INO80: variants seen among roughly 807,000 people sequenced by gnomAD.
INO80 encodes the protein chromatin-remodeling ATPase INO80.
INO80 carries 20 observed loss-of-function variants against 203.4 expected under a neutral mutation model. The observed-to-expected ratio is 0.10, with a 90% CI of 0.07 to 0.14. INO80 has a LOEUF of 0.14. INO80 is among the 10% of genes least tolerant of loss of function. The pLI is 1.00. For synonymous variants in INO80, 726 were observed against 685.2 expected, an observed-to-expected ratio of 1.06 and a Z score of -0.93; for missense variants, 1,419 against 1,914.4, an observed-to-expected ratio of 0.74 and a Z score of 4.83.
chr15:41,075,379 C>T (rs2140608809), intron 9 of INO80, among the ~76,000 whole-genome samples: 1 of 151,546 alleles, frequency 6.6e-6, no homozygotes, highest in South Asian at 2.1e-4. Flanking sequence ...TCAAGTGATT[C>T]TCCTGCCTTG....
chr15:41,091,601 C>T (rs904434025), intron 5 of INO80, among the ~76,000 whole-genome samples: 1 of 151,168 alleles, frequency 6.6e-6, no homozygotes, highest in African/African-American at 2.4e-5. Context: ...CTCCCACTTA[C>T]ACTCACTACT....
At chr15:40,980,719 TAGAG>T (rs1379489383) in intron 35 of INO80, among the ~76,000 whole-genome samples, 3 of 152,220 alleles carry the variant, frequency 2.0e-5, no homozygotes, top group Non-Finnish European at 4.4e-5. Flanking sequence ...ACACTCTAGA[TAGAG>T]CACACATTTT....
intron 23 of INO80, among the ~76,000 whole-genome samples, chr15:41,046,024 T>C (rs985265106): frequency 6.6e-6 from 1 of 151,536 alleles, no homozygotes; most frequent in Non-Finnish European, 1.5e-5. Context: ...CCAGAACACT[T>C]GAGGCAGGCT....
rs55929719 is a variant in INO80, at chr15:40,989,014, C to CAA, written c.3571-1042_3571-1041dup. Among the ~76,000 whole-genome samples the CAA allele has an allele frequency of 2.7e-3, 386 of 144,846 alleles. 3 individuals carry two copies. The highest frequency in any genetic ancestry group is 0.013 in the South Asian group (59 of 4,514). Reference sequence around the variant, plus strand: ...TGGGCGACACAGTGAGCCTCCGTCTCAAAAAAAAAAAAAAATTAGCCAGGT... The same window carrying CAA: ...TGGGCGACACAGTGAGCCTCCGTCTCAAAAAAAAAAAAAAAAATTAGCCAGGT... On this transcript the variant is annotated intron_variant, in intron 29 of 35. Coordinates refer to ENST00000648947, the MANE Select transcript of INO80 (RefSeq NM_017553.3).
chr15:41,004,304 ATG>A (rs2044005808), intron 28 of INO80, among the ~76,000 whole-genome samples: 1 of 48,180 alleles, frequency 2.1e-5, no homozygotes, highest in South Asian at 7.4e-4. Context: ...AGGACACTCT[ATG>A]TTGAATTGTG....
intron 31 of INO80, among the ~76,000 whole-genome samples, chr15:40,986,341 T>TG (rs1327115309): frequency 6.7e-5 from 9 of 133,668 alleles, no homozygotes; most frequent in Admixed American, 2.2e-4. Context: ...TTTTTTTTTT[T>TG]GAGATGGAAT....
intron 18 of INO80, among the ~76,000 whole-genome samples, 174 bp downstream of exon 18, chr15:41,055,073 T>G (rs2044958447): frequency 1.3e-5 from 2 of 152,234 alleles, no homozygotes; most frequent in Admixed American, 1.3e-4. Context: ...CTTTTTTGAC[T>G]GTTAAATATG....
At chr15:41,023,805 A>C (rs1280651524) in intron 25 of INO80, among the ~76,000 whole-genome samples, 1 of 149,258 alleles carries the variant, frequency 6.7e-6, no homozygotes, top group Non-Finnish European at 1.5e-5. Flanking sequence ...GAAAAAAAGA[A>C]ACAAAAAAAA....
rs1356243194 is a variant in INO80 at position 41,068,949 on chromosome 15, T to C, written c.1782+621A>G. Among the ~76,000 whole-genome samples, 7 of 152,272 alleles carry C rather than the reference T, an allele frequency of 4.6e-5. 1 individual carries two copies. In the South Asian group the frequency reaches 1.2e-3, roughly 27 times the overall value. On this transcript the variant is annotated intron_variant, in intron 14 of 35. Coordinates refer to ENST00000648947, the MANE Select transcript of INO80 (RefSeq NM_017553.3). ...ATGAAAAGAGAAATGCCGTAAATGA[T>C]AGGATGTGTACTGATGGTATGATTT...
In INO80 at chr15:41,096,329, T is replaced by C. The variant is rs565205132; in HGVS notation, c.-19A>G. On this transcript the variant is annotated 5_prime_UTR_variant, in exon 2 of 36. It removes an upstream start codon present in the reference 5' UTR. Coordinates refer to ENST00000648947, the MANE Select transcript of INO80 (RefSeq NM_017553.3). ...AGGCCATAGAACAAATCTGTCTTCA[T>C]GCACAAGGACCTCCGACTGCACGGC... 3 of 1,565,762 alleles carry C rather than the reference T, an allele frequency of 1.9e-6. No homozygotes were observed. Among genetic ancestry groups the C allele is most frequent in the Non-Finnish European group, 1.7e-6 (2 of 1,163,434 alleles).
At chr15:41,023,386 A>G (rs2044324429) in intron 25 of INO80, 1 of 314,838 alleles carries the variant, frequency 3.2e-6, no homozygotes, top group Non-Finnish European at 6.3e-6. Flanking sequence ...TAAAAAGTTT[A>G]AAAAGTAAGT....
At chr15:41,012,293 G>A (rs199740189) in intron 27 of INO80, among the ~76,000 whole-genome samples, 3 of 152,170 alleles carry the variant, frequency 2.0e-5, no homozygotes, top group Non-Finnish European at 4.4e-5. Flanking sequence ...GTGGCCAGGC[G>A]TGGTGGCTCA....
At chr15:40,991,594 G>A (rs1049875114) in intron 29 of INO80, among the ~76,000 whole-genome samples, 1 of 151,934 alleles carries the variant, frequency 6.6e-6, no homozygotes, top group African/African-American at 2.4e-5. Flanking sequence ...TCCACAAAGC[G>A]TGGCCCAGCA....
intron 1 of INO80, among the ~76,000 whole-genome samples, chr15:41,103,973 TG>T (rs1297936766): frequency 5.9e-5 from 9 of 151,878 alleles, no homozygotes; most frequent in Non-Finnish European, 1.3e-4. Context: ...CCCAGCACCT[TG>T]GGAGGCCAAG....
At chr15:41,060,841 A>G (rs2045091661) in intron 14 of INO80, among the ~76,000 whole-genome samples, 1 of 152,240 alleles carries the variant, frequency 6.6e-6, no homozygotes, top group African/African-American at 2.4e-5. Flanking sequence ...AATCCTCTCT[A>G]GAAGAAAACA....
At chr15:41,081,209 C>T in intron 7 of INO80, 136 bp from the exon 8 acceptor site, 1 of 598,384 alleles carries the variant, frequency 1.7e-6, no homozygotes. Context: ...TTCTATAAGT[C>T]ATCCAGATGT....
intron 18 of INO80, among the ~76,000 whole-genome samples, chr15:41,054,637 T>A (rs1387648537): frequency 6.6e-6 from 1 of 152,150 alleles, no homozygotes; most frequent in Non-Finnish European, 1.5e-5. Flanking sequence ...CCACAAAGAA[T>A]TAAATATGAA....
At chr15:41,102,599 G>A (rs1413102090) in intron 1 of INO80, among the ~76,000 whole-genome samples, 1 of 152,104 alleles carries the variant, frequency 6.6e-6, no homozygotes, top group Non-Finnish European at 1.5e-5. Flanking sequence ...GAACCTGGGA[G>A]GCGGAGGTTA....
At position 41,047,447 on chromosome 15, in the gene INO80, G is replaced by C. The variant is rs758521050; in HGVS notation, c.2696C>G (p.Ala899Gly). Residue 899 changes from alanine (A) to glycine (G), a missense_variant, in exon 23 of 36, where the codon GCA becomes GGA. Physicochemically the swap from Ala to Gly is moderately conservative, Grantham distance 60. Around this residue, in one of 9 missense-constraint regions of INO80, gnomAD observed 302 missense variants for 345.4 expected, o/e 0.87. Transcript: ENST00000648947. Reference protein sequence around the residue: ...SFLRFIDISPAEMANLMLQGL... With the variant: ...SFLRFIDISPGEMANLMLQGL... The stretch of plus-strand genomic sequence containing the variant: ...CTGAAGCATAAGGTTTGCCATTTCT[G>C]CTGGAGATATATCAATAAAGCGAAG... 1.2e-6 allele frequency: 2 copies of C among 1,613,396 alleles called. No individual in the cohort carries two copies. The highest frequency in any genetic ancestry group is 1.7e-5 in the Admixed American group (1 of 59,844).
Sources: allele counts gnomAD v4.1 joint callset (sites outside exome capture counted in the v4.1 genomes callset), GRCh38; gene constraint gnomAD v4.1.1; regional missense constraint gnomAD v4.1.1; transcripts MANE v1.5; gene names NCBI Gene and HGNC (gene_info 2026-07-23, HGNC 2026-07-21).